PPP1R18: variants seen among roughly 807,000 people sequenced by gnomAD.
PPP1R18 encodes protein phosphatase 1 regulatory subunit 18.
Under a neutral mutation model 54.8 loss-of-function variants are expected in PPP1R18, and 31 were observed. The observed-to-expected ratio is 0.57, with a 90% CI of 0.43 to 0.76. The LOEUF (loss-of-function observed/expected upper bound fraction) is 0.76. PPP1R18 is among the 30% of genes least tolerant of loss of function. The pLI is 0.00. For missense variants in PPP1R18, 685 were observed against 776.1 expected (o/e 0.88, Z 1.39); for synonymous variants, 310 against 320.2 (o/e 0.97, Z 0.34).
Position 30,684,878 on chromosome 6 carries a change from CCTT to C in PPP1R18, c.1138_1140del (p.Lys380del), listed in dbSNP as rs1562028000. ...GGCCTGCCCTGAGCCCCCGCCTCCT[CCTT>C]CTCAGCCTCCCCTTCTCCAGCCTCC... On this transcript the variant is annotated inframe_deletion, in exon 1 of 3. Transcript: ENST00000274853. This position sits in a 1 kb window ranked among gnomAD's most constrained non-coding sequence, Gnocchi z 6.0. 1 of 1,612,962 alleles carries C rather than the reference CCTT, an allele frequency of 6.2e-7. No individual in the cohort carries two copies. Among genetic ancestry groups the C allele is most frequent in the Admixed American group, 1.7e-5 (1 of 60,028 alleles).
chr6:30,685,125 G>A lies in PPP1R18; in HGVS notation c.894C>T (p.Thr298=), dbSNP rs769610650. The change falls in exon 1 of 3, where the codon ACC becomes ACT. Residue 298 remains threonine (T), a synonymous_variant. Transcript: ENST00000274853. The surrounding 1 kb of genome is among the most constrained non-coding windows in gnomAD (Gnocchi z 5.0). ...APKETAELSE[T]LTREAQGNSS... is the part of the protein sequence containing the mutation. The stretch of plus-strand genomic sequence containing the variant: ...TGTTGCCTTGGGCCTCCCTTGTCAG[G>A]GTCTCGGACAGCTCTGCAGTCTCTT... 6.2e-7 allele frequency: 1 copy of A among 1,613,082 alleles called. No individual in the cohort carries two copies. The highest frequency in any genetic ancestry group is 1.1e-5 in the South Asian group (1 of 91,076).
Position 30,685,732 on chromosome 6 carries a change from T to C in PPP1R18, c.287A>G (p.Gln96Arg), listed in dbSNP as rs775362882. ...HQNRFIRQER[Q>R]QQQQQQQRSE... ...CCGTTGTTGTTGCTGCTGCTGCTGCTGCCGCTCCTGCCGGATGAATCGGTT... is the reference window on the plus strand; with the variant it reads ...CCGTTGTTGTTGCTGCTGCTGCTGCCGCCGCTCCTGCCGGATGAATCGGTT... Residue 96 changes from glutamine to arginine, a missense_variant, in exon 1 of 3, where the codon CAG becomes CGG. By Grantham distance (43) the Gln-to-Arg change is conservative (BLOSUM62 1). Transcript: ENST00000274853. The surrounding 1 kb of genome is among the most constrained non-coding windows in gnomAD (Gnocchi z 5.0). 2.3e-5 allele frequency: 37 copies of C among 1,612,946 alleles called. No individual in the cohort carries two copies. The highest frequency in any genetic ancestry group is 2.8e-5 in the Non-Finnish European group (33 of 1,180,006).
In PPP1R18 at chr6:30,684,559, G is replaced by A. The variant is rs560627023; in HGVS notation, c.1460C>T (p.Thr487Ile). Residue 487 changes from threonine (T) to isoleucine (I), a missense_variant, in exon 1 of 3, where the codon ACC (threonine) becomes ATC (isoleucine). By Grantham distance (89) the Thr-to-Ile change is moderately conservative. Coordinates refer to ENST00000274853, the MANE Select transcript of PPP1R18 (RefSeq NM_133471.4). The surrounding 1 kb of genome is among the most constrained non-coding windows in gnomAD (Gnocchi z 6.0). ...ATCAACTGTGGCTGGAGAGGTTGGG[G>A]TGGCTGGGGTCGCAGGGGGCACAGA... is the stretch of plus-strand genomic sequence containing the variant. ...RRSVPPATPA[T>I]PTSPATVDAA... 1.2e-6 allele frequency: 2 copies of A among 1,611,300 alleles called. No individual in the cohort carries two copies. Among genetic ancestry groups the A allele is most frequent in the Non-Finnish European group, 1.7e-6 (2 of 1,179,250 alleles).
At chr6:30,680,335 A>G (rs1481777326) in intron 1 of PPP1R18, among the ~76,000 whole-genome samples, 1 of 152,134 alleles carries the variant, frequency 6.6e-6, no homozygotes, top group Non-Finnish European at 1.5e-5. Context: ...TAAGTCTAGG[A>G]GCCAAAGGGA....
upstream of PPP1R18, chr6:30,687,970 G>A (rs965801203): frequency 6.6e-6 from 1 of 152,310 alleles, no homozygotes; most frequent in Non-Finnish European, 1.5e-5. This position sits in a 1 kb window ranked among gnomAD's most constrained non-coding sequence, Gnocchi z 7.9. Flanking sequence ...CTCCAGTTCG[G>A]TGCTCCCAGG....
At position 30,685,853 on chromosome 6, in the gene PPP1R18, CA is replaced by C; in HGVS notation, c.165del (p.Glu57SerfsTer6). 1 of 1,612,490 alleles carries C rather than the reference CA, an allele frequency of 6.2e-7. No homozygotes were observed. The highest frequency in any genetic ancestry group is 8.5e-7 in the Non-Finnish European group (1 of 1,180,020). On this transcript the variant is annotated frameshift_variant, in exon 1 of 3. Transcript: ENST00000274853. LOFTEE classifies it high-confidence loss of function. This position sits in a 1 kb window ranked among gnomAD's most constrained non-coding sequence, Gnocchi z 5.0. ...ERRRAKLGLS[P>X]GEPSPVLGTV... ...GTCCCTAGCACAGGGCTAGGCTCCC[CA>C]GGGGACAGCCCAAGCTTGGCCCGGC...
chr6:30,677,404 T>A (rs1344421843), intron 2 of PPP1R18, 116 bp from the exon 3 acceptor site: 2 of 802,280 alleles, frequency 2.5e-6, no homozygotes, highest in Non-Finnish European at 4.0e-6. Flanking sequence ...CTATAATATC[T>A]TCCATATCTA....
intron 1 of PPP1R18, 109 bp from the exon 2 acceptor site, chr6:30,679,498 AG>A (rs1770413118): frequency 8.7e-6 from 1 of 114,618 alleles, no homozygotes; most frequent in Non-Finnish European, 1.5e-5. Context: ...GCAAGGGAGC[AG>A]GTGGGACTGG....
chr6:30,685,237 CACTCTGTTGCCTCCAGTTGTACCAA>C lies in PPP1R18; in HGVS notation c.757_781del (p.Leu253GlyfsTer3). On this transcript the variant is annotated frameshift_variant, in exon 1 of 3. Coordinates refer to ENST00000274853, the MANE Select transcript of PPP1R18 (RefSeq NM_133471.4). LOFTEE classifies it high-confidence loss of function. This position sits in a 1 kb window ranked among gnomAD's most constrained non-coding sequence, Gnocchi z 5.0. ...TCTTTCTTCTCCTGACCTCAGCCTCCACTCTGTTGCCTCCAGTTGTACCAAACTCTGTTCCTGAGACTCTCTGGAG... is the reference window on the plus strand; with the variant it reads ...TCTTTCTTCTCCTGACCTCAGCCTCCACTCTGTTCCTGAGACTCTCTGGAG... The C allele has an allele frequency of 6.2e-7, 1 of 1,613,102 alleles. No individual in the cohort carries two copies. Among genetic ancestry groups the C allele is most frequent in the Non-Finnish European group, 8.5e-7 (1 of 1,180,036 alleles).
At position 30,677,100 on chromosome 6, in the gene PPP1R18, T is replaced by C. The variant is rs1232676877; in HGVS notation, c.*169A>G. On this transcript the variant is annotated 3_prime_UTR_variant, in exon 3 of 3. Coordinates refer to ENST00000274853, the MANE Select transcript of PPP1R18 (RefSeq NM_133471.4). The stretch of plus-strand genomic sequence containing the variant: ...AGGGACTTTGGATTAGGGTAGAAAT[T>C]GGGCAATTGGCTCTGCCCCCAGAAA... 2 of 734,526 alleles carry C rather than the reference T, an allele frequency of 2.7e-6. No homozygotes were observed. Among genetic ancestry groups the C allele is most frequent in the Non-Finnish European group, 2.5e-6 (1 of 401,616 alleles). The allele number at this position is 734,526 out of a possible 1,614,324, so 45.5% of individuals were successfully genotyped here. A position where few individuals can be genotyped will look rare whatever the true frequency, so the allele number is the denominator to read the frequency against.
In PPP1R18 at chr6:30,686,109, G is replaced by T; in HGVS notation, c.-91C>A. 1 of 1,352,646 alleles carries T rather than the reference G, an allele frequency of 7.4e-7. No individual in the cohort carries two copies. Among genetic ancestry groups the T allele is most frequent in the Non-Finnish European group, 1.0e-6 (1 of 999,994 alleles). 83.8% of individuals were successfully genotyped at this position (1,352,646 alleles called of 1,614,324 possible). On this transcript the variant is annotated 5_prime_UTR_variant, in exon 1 of 3. Transcript: ENST00000274853. ...TGAGACAGCCCGGGGGTGAGACTGAGGGTGGGAGGAGAGGAAGTGGAGGGG... is the reference window on the plus strand; with the variant it reads ...TGAGACAGCCCGGGGGTGAGACTGATGGTGGGAGGAGAGGAAGTGGAGGGG...
intron 2 of PPP1R18, among the ~76,000 whole-genome samples, chr6:30,678,191 G>A (rs1259459017): frequency 6.6e-6 from 1 of 151,820 alleles, no homozygotes; most frequent in Non-Finnish European, 1.5e-5. Flanking sequence ...GATTACAGGC[G>A]TGAGCCACCG....
At position 30,684,318 on chromosome 6, in the gene PPP1R18, G is replaced by A; in HGVS notation, c.1611+90C>T. On this transcript the variant is annotated intron_variant, in intron 1 of 2. Transcript: ENST00000274853. The surrounding 1 kb of genome is among the most constrained non-coding windows in gnomAD (Gnocchi z 6.0). ...AACAAGAAAGAATAGAGGAAGACAA[G>A]AAAACAGGGGTATAAAAAAGAAAGA... 7.6e-7 allele frequency: 1 copy of A among 1,312,778 alleles called. No individual in the cohort carries two copies. Among genetic ancestry groups the A allele is most frequent in the Non-Finnish European group, 1.0e-6 (1 of 964,476 alleles). 81.3% of individuals were successfully genotyped at this position (1,312,778 alleles called of 1,614,324 possible).
intron 1 of PPP1R18, among the ~76,000 whole-genome samples, chr6:30,681,524 G>C (rs1235875441): frequency 6.6e-6 from 1 of 152,146 alleles, no homozygotes; most frequent in African/African-American, 2.4e-5. Flanking sequence ...AGCACTTTGG[G>C]AGGCCAAGAC....
At chr6:30,682,684 C>CCAGG (rs1198140601) in intron 1 of PPP1R18, among the ~76,000 whole-genome samples, 1 of 151,814 alleles carries the variant, frequency 6.6e-6, no homozygotes, top group Non-Finnish European at 1.5e-5. Context: ...GGCCCAGGGC[C>CCAGG]CAGGGCCCAG....
rs774563746 is a variant in PPP1R18, at chr6:30,683,960, C to T, written c.1611+448G>A. 3.3e-5 allele frequency among the ~76,000 whole-genome samples: 5 copies of T among 152,072 alleles called. No individual in the cohort carries two copies. Among genetic ancestry groups the T allele is most frequent in the South Asian group, 2.1e-4 (1 of 4,832 alleles). On this transcript the variant is annotated intron_variant, in intron 1 of 2. Coordinates refer to ENST00000274853, the MANE Select transcript of PPP1R18 (RefSeq NM_133471.4). The surrounding 1 kb of genome is among the most constrained non-coding windows in gnomAD (Gnocchi z 5.1). ...CTAGAACACAAACCCACCCCACCCCCTCCACCACCCCAGGCTCCCTATCCC... is the reference window on the plus strand; with the variant it reads ...CTAGAACACAAACCCACCCCACCCCTTCCACCACCCCAGGCTCCCTATCCC...
chr6:30,684,609 G>C lies in PPP1R18; in HGVS notation c.1410C>G (p.His470Gln). Residue 470 changes from histidine to glutamine, a missense_variant, in exon 1 of 3, where the codon CAC becomes CAG. By Grantham distance (24) the His-to-Gln change is conservative (BLOSUM62 0). Transcript: ENST00000274853. This position sits in a 1 kb window ranked among gnomAD's most constrained non-coding sequence, Gnocchi z 6.0. The part of the protein sequence containing the change: ...PGVGAPRRSG[H>Q]TFTVNPRRSV... ...ACCGCCGGGGGTTGACGGTGAAGGT[G>C]TGTCCACTGCGGCGGGGGGCCCCCA... 6.3e-7 allele frequency: 1 copy of C among 1,581,348 alleles called. No homozygotes were observed. Among genetic ancestry groups the C allele is most frequent in the Non-Finnish European group, 8.6e-7 (1 of 1,163,202 alleles).
chr6:30,678,398 C>T (rs572361169), intron 2 of PPP1R18, among the ~76,000 whole-genome samples: 13 of 147,854 alleles, frequency 8.8e-5, no homozygotes, highest in African/African-American at 2.5e-4. Flanking sequence ...TTTTTTGAGA[C>T]GGAGTCTCAC....
chr6:30,677,256 T>C lies in PPP1R18; in HGVS notation c.*13A>G. On this transcript the variant is annotated 3_prime_UTR_variant, in exon 3 of 3. Transcript: ENST00000274853. ...TAAGAAGGAGGGAGGTATATCCCTATGTTGGAAGATGGTCACCGCCGGCAG... is the reference window on the plus strand; with the variant it reads ...TAAGAAGGAGGGAGGTATATCCCTACGTTGGAAGATGGTCACCGCCGGCAG... The C allele has an allele frequency of 6.2e-7, 1 of 1,602,942 alleles. No homozygotes were observed.
Sources: allele counts gnomAD v4.1 joint callset (sites outside exome capture counted in the v4.1 genomes callset), GRCh38; gene constraint gnomAD v4.1.1; non-coding constraint Gnocchi (gnomAD v3.1); transcripts MANE v1.5; gene names NCBI Gene and HGNC (gene_info 2026-07-23, HGNC 2026-07-21).